The following SHISA6 variants were observed in gnomAD, a reference collection of about 807,000 sequenced individuals.
SHISA6 encodes shisa family member 6.
A neutral mutation model predicts 47.9 loss-of-function variants in SHISA6; 22 were observed. That is an observed-to-expected ratio of 0.46 (90% CI 0.33 to 0.66). The LOEUF is 0.66. Among genes scored for constraint, SHISA6 ranks in the 30% least tolerant of loss-of-function variants. The probability of loss-of-function intolerance (pLI) is 0.02; values close to 1 mark genes in which losing one functional copy is unlikely to be tolerated. For synonymous variants in SHISA6, 388 were observed against 337.8 expected (o/e 1.15, Z -1.63); for missense variants, 680 against 764.6 (o/e 0.89, Z 1.30).
intron 3 of SHISA6, among the ~76,000 whole-genome samples, chr17:11,423,458 A>C (rs1318064444): frequency 6.6e-6 from 1 of 151,876 alleles, no homozygotes; most frequent in African/African-American, 2.4e-5. Context: ...CTGGAAATCA[A>C]ACCCAGGGCT....
chr17:11,426,546 C>T (rs1195930087), intron 3 of SHISA6, among the ~76,000 whole-genome samples: 1 of 152,196 alleles, frequency 6.6e-6, no homozygotes, highest in Non-Finnish European at 1.5e-5. Context: ...GTAAGGCAGA[C>T]AACTTTGCCC....
In SHISA6 at chr17:11,558,085, C is replaced by G. The variant is rs367869703; in HGVS notation, c.1437C>G (p.Asp479Glu). The G allele has an allele frequency of 6.4e-7, 1 of 1,551,642 alleles. No individual in the cohort carries two copies. Among genetic ancestry groups the G allele is most frequent in the South Asian group, 1.2e-5 (1 of 84,062 alleles). ...QSLSRAISHT[D>E]VFVSTPVLDR... The stretch of plus-strand genomic sequence containing the variant: ...TGTCCAGGGCCATCTCGCACACGGA[C>G]GTCTTTGTGTCCACACCCGTGCTGG... Residue 479 changes from aspartate to glutamate, a missense_variant, in exon 6 of 6, where the codon GAC becomes GAG. Coordinates refer to ENST00000441885, the MANE Select transcript of SHISA6 (RefSeq NM_207386.4).
At chr17:11,509,330 C>T (rs944422695) in intron 3 of SHISA6, among the ~76,000 whole-genome samples, 8 of 152,206 alleles carry the variant, frequency 5.3e-5, no homozygotes, top group African/African-American at 1.7e-4. Flanking sequence ...GCATAGTCAA[C>T]GACAGCATCA....
At chr17:11,244,479 G>A (rs1267073897) in intron 1 of SHISA6, among the ~76,000 whole-genome samples, 2 of 152,102 alleles carry the variant, frequency 1.3e-5, no homozygotes, top group African/African-American at 4.8e-5. Context: ...GGCACGTCAG[G>A]GTGAGTGTGC....
chr17:11,267,968 T>C (rs1908488762), intron 2 of SHISA6, among the ~76,000 whole-genome samples: 1 of 152,166 alleles, frequency 6.6e-6, no homozygotes, highest in Admixed American at 6.5e-5. Context: ...AGGCTTGCTG[T>C]GGGCTTGCTT....
At chr17:11,301,939 C>T (rs1909942677) in intron 2 of SHISA6, among the ~76,000 whole-genome samples, 1 of 152,148 alleles carries the variant, frequency 6.6e-6, no homozygotes, top group Non-Finnish European at 1.5e-5. Flanking sequence ...GCTGGGAAGG[C>T]CTCAGAATCA....
chr17:11,491,768 G>GTTTTTTTTTTTTTTTTTTTTTTTTTT lies in SHISA6; in HGVS notation c.896-60127_896-60126insTTTTTTTTTTTTTTTTTTTTTTTTTT, dbSNP rs768280409. Among the ~76,000 whole-genome samples the GTTTTTTTTTTTTTTTTTTTTTTTTTT allele has an allele frequency of 4.6e-5, 5 of 107,884 alleles. 2 individuals are homozygous for GTTTTTTTTTTTTTTTTTTTTTTTTTT. Among genetic ancestry groups the GTTTTTTTTTTTTTTTTTTTTTTTTTT allele is most frequent in the Non-Finnish European group, 3.9e-5 (2 of 50,794 alleles). The allele number at this position is 107,884 out of a possible 152,430, so 70.8% of individuals were successfully genotyped here. On this transcript the variant is annotated intron_variant, in intron 3 of 5. Coordinates refer to ENST00000441885, the MANE Select transcript of SHISA6 (RefSeq NM_207386.4). ...GTGTACTGAAAGGGAAGCTGGTGAAGTGTTTTTTTTTTTTTTTTTTTGAGA... is the reference window on the plus strand; with the variant it reads ...GTGTACTGAAAGGGAAGCTGGTGAAGTTTTTTTTTTTTTTTTTTTTTTTTTTTGTTTTTTTTTTTTTTTTTTTGAGA...
At chr17:11,523,353 G>GA (rs1276443205) in intron 3 of SHISA6, among the ~76,000 whole-genome samples, 1 of 152,168 alleles carries the variant, frequency 6.6e-6, no homozygotes, top group Non-Finnish European at 1.5e-5. Flanking sequence ...TCTGCAAAAG[G>GA]AATCTGACAA....
At chr17:11,279,254 T>A (rs542798235) in intron 2 of SHISA6, among the ~76,000 whole-genome samples, 1 of 152,268 alleles carries the variant, frequency 6.6e-6, no homozygotes, top group African/African-American at 2.4e-5. Flanking sequence ...GCATGTAACC[T>A]TGAGCAAAGA....
intron 3 of SHISA6, among the ~76,000 whole-genome samples, chr17:11,531,918 A>C (rs1315424646): frequency 6.6e-6 from 1 of 152,262 alleles, no homozygotes; most frequent in African/African-American, 2.4e-5. Context: ...TCCACAATGT[A>C]CACATGTATC....
chr17:11,399,708 C>G (rs1913699962), intron 3 of SHISA6, among the ~76,000 whole-genome samples: 1 of 152,320 alleles, frequency 6.6e-6, no homozygotes, highest in East Asian at 1.9e-4. Flanking sequence ...AGGCATGAGG[C>G]ACTGCGCCCA....
At chr17:11,323,843 G>A (rs1910789875) in intron 2 of SHISA6, among the ~76,000 whole-genome samples, 1 of 151,962 alleles carries the variant, frequency 6.6e-6, no homozygotes, top group Non-Finnish European at 1.5e-5. Flanking sequence ...CACAGTCTCA[G>A]CTCTACCTGA....
intron 3 of SHISA6, among the ~76,000 whole-genome samples, chr17:11,534,841 G>T (rs2071771501): frequency 6.6e-6 from 1 of 152,170 alleles, no homozygotes; most frequent in Admixed American, 6.5e-5. Flanking sequence ...ATTCTAGGAA[G>T]GCTACGGGCC....
At chr17:11,553,383 A>G (rs1402428119) in intron 4 of SHISA6, among the ~76,000 whole-genome samples, 1 of 152,166 alleles carries the variant, frequency 6.6e-6, no homozygotes, top group East Asian at 1.9e-4. Flanking sequence ...CAGTCACACT[A>G]CCCAGCTCAT....
chr17:11,333,766 G>A (rs898182653), intron 2 of SHISA6, among the ~76,000 whole-genome samples: 8 of 152,118 alleles, frequency 5.3e-5, no homozygotes, highest in African/African-American at 1.7e-4. Flanking sequence ...TGGGCATGGT[G>A]GCTCATGCCT....
chr17:11,271,205 G>T (rs1471435800), intron 2 of SHISA6, among the ~76,000 whole-genome samples: 3 of 152,058 alleles, frequency 2.0e-5, no homozygotes, highest in Non-Finnish European at 4.4e-5. Flanking sequence ...GGTGGAGAAG[G>T]GTACAGAGGG....
At chr17:11,438,865 GGC>G (rs1915017501) in intron 3 of SHISA6, among the ~76,000 whole-genome samples, 1 of 152,196 alleles carries the variant, frequency 6.6e-6, no homozygotes, top group African/African-American at 2.4e-5. Flanking sequence ...TAGGAGTTAT[GGC>G]AAGATTGGGT....
chr17:11,266,515 T>C (rs1908428752), intron 2 of SHISA6, among the ~76,000 whole-genome samples: 1 of 152,230 alleles, frequency 6.6e-6, no homozygotes, highest in East Asian at 1.9e-4. Context: ...TCTCTTACTA[T>C]GTATGTGATC....
intron 3 of SHISA6, among the ~76,000 whole-genome samples, chr17:11,403,039 G>T (rs1913832571): frequency 6.6e-6 from 1 of 152,194 alleles, no homozygotes; most frequent in Non-Finnish European, 1.5e-5. Flanking sequence ...AGGGTTGAAG[G>T]AAAATTCTTC....
Sources: gnomAD v4.1 joint callset for allele counts (sites outside exome capture counted in the v4.1 genomes callset) on GRCh38, gnomAD v4.1.1 for gene constraint, MANE v1.5 for transcripts, NCBI Gene and HGNC (gene_info 2026-07-23, HGNC 2026-07-21) for gene names.